The following OXCT1 variants were observed in gnomAD, a reference collection of about 807,000 sequenced individuals.
The protein encoded by OXCT1 is 3-oxoacid CoA-transferase 1, also known as succinyl-CoA:3-ketoacid coenzyme A transferase 1, mitochondrial.
Under a neutral mutation model 69.6 loss-of-function variants are expected in OXCT1, and 27 were observed. The observed-to-expected ratio is 0.39, with a 90% CI of 0.29 to 0.54. OXCT1 has a LOEUF of 0.54. Ranked by LOEUF, OXCT1 falls within the 20% of genes least tolerant of loss-of-function variation. The pLI, the probability that OXCT1 is intolerant of heterozygous loss-of-function variation, is 0.72. For missense variants in OXCT1, 437 were observed against 650.2 expected (o/e 0.67, Z 3.57); for synonymous variants, 202 against 217.8 (o/e 0.93, Z 0.64).
intron 15 of OXCT1, among the ~76,000 whole-genome samples, chr5:41,740,952 C>CTT (rs70988866): frequency 4.4e-5 from 6 of 136,230 alleles, no homozygotes; most frequent in South Asian, 2.3e-4. Context: ...GGCCTAGAAT[C>CTT]TTTTTTTTTT....
intron 13 of OXCT1, among the ~76,000 whole-genome samples, chr5:41,788,758 G>A (rs1399444538): frequency 6.6e-6 from 1 of 152,120 alleles, no homozygotes; most frequent in East Asian, 1.9e-4. Flanking sequence ...CAGAACACTT[G>A]AACAATACTA....
chr5:41,791,293 C>A (rs1745902905), intron 13 of OXCT1, among the ~76,000 whole-genome samples: 1 of 152,138 alleles, frequency 6.6e-6, no homozygotes, highest in East Asian at 1.9e-4. Flanking sequence ...GGAACCAAAC[C>A]CAGGAACACT....
chr5:41,772,171 A>G (rs1036741319), intron 13 of OXCT1, among the ~76,000 whole-genome samples: 1 of 152,146 alleles, frequency 6.6e-6, no homozygotes, highest in African/African-American at 2.4e-5. Flanking sequence ...GTTCTCAGAA[A>G]GTTTATTTTC....
chr5:41,863,515 C>T (rs758144444), intron 1 of OXCT1, among the ~76,000 whole-genome samples: 28 of 152,148 alleles, frequency 1.8e-4, no homozygotes, highest in Admixed American at 4.6e-4. Context: ...CTATCCCCCT[C>T]TTCAAAAGCC....
chr5:41,837,931 T>C (rs1748447812), intron 7 of OXCT1, among the ~76,000 whole-genome samples: 1 of 152,204 alleles, frequency 6.6e-6, no homozygotes, highest in Non-Finnish European at 1.5e-5. Context: ...TGTGAGAATT[T>C]AAAATAATGC....
chr5:41,793,610 T>C (rs755168613), intron 13 of OXCT1, among the ~76,000 whole-genome samples: 2 of 152,264 alleles, frequency 1.3e-5, no homozygotes, highest in African/African-American at 2.4e-5. Flanking sequence ...CACTGATTAA[T>C]AGAATTAACA....
chr5:41,842,488 C>G (rs1042933511), intron 6 of OXCT1, among the ~76,000 whole-genome samples, 187 bp downstream of exon 6: 2 of 152,154 alleles, frequency 1.3e-5, no homozygotes, highest in African/African-American at 4.8e-5. Flanking sequence ...TAGATATCGA[C>G]CAGTCTAAAC....
At chr5:41,782,143 A>T (rs1745435138) in intron 13 of OXCT1, among the ~76,000 whole-genome samples, 1 of 147,924 alleles carries the variant, frequency 6.8e-6, no homozygotes, top group Admixed American at 6.8e-5. Flanking sequence ...TTTTAGTAAT[A>T]GTCATTGTGA....
intron 11 of OXCT1, among the ~76,000 whole-genome samples, chr5:41,796,260 T>C (rs1325203453): frequency 6.6e-6 from 1 of 152,202 alleles, no homozygotes; most frequent in Non-Finnish European, 1.5e-5. Context: ...CTATTTCCTC[T>C]CTATTCAGGA....
At chr5:41,777,264 T>A (rs7733095) in intron 13 of OXCT1, among the ~76,000 whole-genome samples, 58,673 of 151,538 alleles carry the variant, frequency 0.39, 14,057 homozygotes, top group African/African-American at 0.68. Context: ...AAAAATACAA[T>A]TATTAGCCGG....
At chr5:41,774,367 A>C (rs1240434657) in intron 13 of OXCT1, among the ~76,000 whole-genome samples, 4 of 152,240 alleles carry the variant, frequency 2.6e-5, no homozygotes, top group African/African-American at 9.6e-5. Context: ...AGTAGCAACA[A>C]GCACACCTAG....
intron 14 of OXCT1, among the ~76,000 whole-genome samples, chr5:41,753,520 C>T (rs537841829): frequency 1.2e-4 from 19 of 152,184 alleles, no homozygotes; most frequent in Admixed American, 2.6e-4. Flanking sequence ...CAGATTCAAA[C>T]GGCAACACCC....
At chr5:41,814,904 G>T (rs1427145682) in intron 7 of OXCT1, among the ~76,000 whole-genome samples, 4 of 151,830 alleles carry the variant, frequency 2.6e-5, no homozygotes, top group Non-Finnish European at 5.9e-5. Context: ...AATAAAAAGA[G>T]TCTTCCTTTC....
intron 9 of OXCT1, 145 bp downstream of exon 9, chr5:41,805,422 G>GT: frequency 1.7e-6 from 1 of 605,548 alleles, no homozygotes; most frequent in South Asian, 1.9e-5. Context: ...GCCACATTTT[G>GT]TAAAAAAAAA....
chr5:41,760,710 T>C (rs1292189259), intron 14 of OXCT1, among the ~76,000 whole-genome samples: 1 of 152,158 alleles, frequency 6.6e-6, no homozygotes, highest in African/African-American at 2.4e-5. Flanking sequence ...ATTTGCATGC[T>C]TGGCATCCTC....
intron 1 of OXCT1, chr5:41,869,921 C>A (rs1419006483): frequency 1.4e-5 from 5 of 359,628 alleles, no homozygotes; most frequent in South Asian, 7.2e-5. Context: ...CCTCCTCCCC[C>A]CGTTCAGACC....
At chr5:41,859,507 T>C (rs1271215329) in intron 3 of OXCT1, among the ~76,000 whole-genome samples, 2 of 152,108 alleles carry the variant, frequency 1.3e-5, no homozygotes, top group Non-Finnish European at 2.9e-5. Flanking sequence ...GGGTTGAGTA[T>C]TAGCCATGAT....
At chr5:41,825,841 C>T (rs1187970660) in intron 7 of OXCT1, among the ~76,000 whole-genome samples, 1 of 152,180 alleles carries the variant, frequency 6.6e-6, no homozygotes, top group Non-Finnish European at 1.5e-5. Context: ...AAATCATGAG[C>T]TAAGTAAACT....
At chr5:41,867,143 T>A (rs1032732612) in intron 1 of OXCT1, among the ~76,000 whole-genome samples, 6 of 152,198 alleles carry the variant, frequency 3.9e-5, no homozygotes, top group African/African-American at 1.4e-4. Context: ...CATGAGTAAG[T>A]TCTTTAGTGT....
Sources: gnomAD v4.1 joint callset for allele counts (sites outside exome capture counted in the v4.1 genomes callset) on GRCh38, gnomAD v4.1.1 for gene constraint, MANE v1.5 for transcripts, NCBI Gene and HGNC (gene_info 2026-07-23, HGNC 2026-07-21) for gene names.